Variants in FBXL2 observed in about 807,000 individuals in gnomAD.
FBXL2 encodes the protein F-box and leucine rich repeat protein 2.
A neutral mutation model predicts 69.2 loss-of-function variants in FBXL2; 38 were observed. The observed-to-expected ratio is 0.55, with a 90% CI of 0.42 to 0.72. The LOEUF is 0.72. Among genes scored for constraint, FBXL2 ranks in the 30% least tolerant of loss-of-function variants. The pLI, the probability that FBXL2 is intolerant of heterozygous loss-of-function variation, is 0.00. For synonymous variants in FBXL2, 192 were observed against 201.3 expected, an observed-to-expected ratio of 0.95 and a Z score of 0.39; for missense variants, 354 against 520.3, an observed-to-expected ratio of 0.68 and a Z score of 3.11.
At chr3:33,405,042 G>C (rs1027966676), downstream of FBXL2, among the ~76,000 whole-genome samples, 2 of 152,116 alleles carry the variant, frequency 1.3e-5, no homozygotes, top group African/African-American at 4.8e-5. Flanking sequence ...TCTTGACTGA[G>C]TTAAGAGGCT....
chr3:33,345,131 C>A (rs1455949920), intron 2 of FBXL2, among the ~76,000 whole-genome samples: 1 of 152,184 alleles, frequency 6.6e-6, no homozygotes, highest in Admixed American at 6.5e-5. Flanking sequence ...TGACTTAAAA[C>A]AACAGTTCTG....
chr3:33,412,835 A>G, the FBXL2 span: 11 of 1,597,964 alleles, frequency 6.9e-6, no homozygotes, highest in East Asian at 2.2e-5. Context: ...GCTCTGTGGA[A>G]TAAGTGCGGA....
At chr3:33,293,054 CTA>C (rs552710939) in intron 1 of FBXL2, among the ~76,000 whole-genome samples, 1 of 152,294 alleles carries the variant, frequency 6.6e-6, no homozygotes, top group South Asian at 2.1e-4. Flanking sequence ...GGAGGTCTGT[CTA>C]TGTTGACCAG....
chr3:33,366,168 C>T (rs190537957), intron 5 of FBXL2, among the ~76,000 whole-genome samples: 9 of 152,290 alleles, frequency 5.9e-5, no homozygotes, highest in African/African-American at 2.2e-4. Flanking sequence ...CTCCATCACT[C>T]ATATAAAGCA....
chr3:33,325,477 G>C (rs1191652419), intron 2 of FBXL2, among the ~76,000 whole-genome samples: 3 of 152,138 alleles, frequency 2.0e-5, no homozygotes, highest in African/African-American at 7.2e-5. Flanking sequence ...TCATTACCTA[G>C]TTTACTTACA....
chr3:33,327,963 A>AG (rs1418009241), intron 2 of FBXL2, among the ~76,000 whole-genome samples: 1 of 151,760 alleles, frequency 6.6e-6, no homozygotes, highest in African/African-American at 2.4e-5. Flanking sequence ...TCTACCAAAA[A>AG]AAAAAAAACT....
chr3:33,373,798 G>A, intron 8 of FBXL2, 49 bp from the exon 9 acceptor site: 2 of 1,613,816 alleles, frequency 1.2e-6, no homozygotes, highest in Non-Finnish European at 1.7e-6. Context: ...GTGTCCCACT[G>A]TTCCCTCACC....
rs35020611 is a variant in FBXL2, at chr3:33,370,417, C to CAAAAAAA, written c.291-2666_291-2660dup. Among the ~76,000 whole-genome samples, 472 of 129,028 alleles carry CAAAAAAA rather than the reference C, an allele frequency of 3.7e-3. 3 individuals carry two copies. Among genetic ancestry groups the CAAAAAAA allele is most frequent in the African/African-American group, 9.7e-3 (336 of 34,618 alleles). 84.6% of individuals were successfully genotyped at this position (129,028 alleles called of 152,430 possible). On this transcript the variant is annotated intron_variant, in intron 5 of 14. Coordinates refer to ENST00000484457, the MANE Select transcript of FBXL2 (RefSeq NM_012157.5). ...TGGGTGACAGAGCGAGACTCCGTCT[C>CAAAAAAA]AAAAAAAAAAAAAAATTGCTGAGTC...
At chr3:33,315,349 A>G (rs2037594071) in intron 2 of FBXL2, among the ~76,000 whole-genome samples, 1 of 142,972 alleles carries the variant, frequency 7.0e-6, no homozygotes, top group Non-Finnish European at 1.5e-5. Flanking sequence ...TTGCCATGGC[A>G]GTGAAGACTC....
intron 14 of FBXL2, 32 bp from the exon 15 acceptor site, chr3:33,385,469 T>TA (rs1244379289): frequency 6.4e-7 from 1 of 1,557,750 alleles, no homozygotes; most frequent in Non-Finnish European, 8.9e-7. Flanking sequence ...TAGTAATGTG[T>TA]AAAGACTCCA....
intron 4 of FBXL2, among the ~76,000 whole-genome samples, chr3:33,363,624 C>T (rs894261030): frequency 4.6e-5 from 7 of 152,098 alleles, no homozygotes; most frequent in African/African-American, 1.4e-4. Context: ...CATTAATAGT[C>T]GTGCTTGGAT....
At chr3:33,316,936 C>G (rs2037753167) in intron 2 of FBXL2, among the ~76,000 whole-genome samples, 1 of 151,802 alleles carries the variant, frequency 6.6e-6, no homozygotes, top group African/African-American at 2.4e-5. Context: ...AGATCTCACT[C>G]TGTTGTCCAG....
At chr3:33,346,924 G>A (rs2040484847) in intron 2 of FBXL2, among the ~76,000 whole-genome samples, 2 of 152,134 alleles carry the variant, frequency 1.3e-5, no homozygotes, top group South Asian at 2.1e-4. Context: ...TCATATCAGG[G>A]TAAATGGGGA....
chr3:33,373,736 A>G (rs745897281), intron 8 of FBXL2, 32 bp downstream of exon 8: 15 of 1,613,826 alleles, frequency 9.3e-6, no homozygotes, highest in Non-Finnish European at 1.2e-5. Context: ...TGTTTGTGTT[A>G]TGTGTCAGGT....
intron 1 of FBXL2, among the ~76,000 whole-genome samples, chr3:33,280,429 C>G (rs1197658613): frequency 6.6e-6 from 1 of 152,166 alleles, no homozygotes; most frequent in Non-Finnish European, 1.5e-5. Context: ...GACTTCAAGG[C>G]TGGGCTCAGT....
chr3:33,335,067 C>T (rs889104226), intron 2 of FBXL2, among the ~76,000 whole-genome samples: 1 of 151,926 alleles, frequency 6.6e-6, no homozygotes, highest in African/African-American at 2.4e-5. Context: ...CGCCACTGCA[C>T]TCCAGCCTGG....
chr3:33,389,608 G>A (rs2043677575), downstream of FBXL2: 1 of 152,060 alleles, frequency 6.6e-6, no homozygotes, highest in Admixed American at 6.6e-5. Context: ...GGAAGCAGAA[G>A]CAAAAAAGTT....
downstream of FBXL2, among the ~76,000 whole-genome samples, chr3:33,406,249 AT>A (rs1447182840): frequency 6.6e-6 from 1 of 152,166 alleles, no homozygotes; most frequent in Non-Finnish European, 1.5e-5. Flanking sequence ...TCTCAAAAAA[AT>A]AAATAAATAA....
chr3:33,300,354 T>C (rs1421752381), intron 2 of FBXL2, among the ~76,000 whole-genome samples: 1 of 152,214 alleles, frequency 6.6e-6, no homozygotes, highest in African/African-American at 2.4e-5. Context: ...TAAAGATCCA[T>C]GATGGACTCA....
Sources: gnomAD v4.1 joint callset for allele counts (sites outside exome capture counted in the v4.1 genomes callset) on GRCh38, gnomAD v4.1.1 for gene constraint, MANE v1.5 for transcripts, NCBI Gene and HGNC (gene_info 2026-07-23, HGNC 2026-07-21) for gene names.